Variants in ALDH1A2 observed in about 807,000 individuals in gnomAD.
The protein encoded by ALDH1A2 is retinal dehydrogenase 2.
Under a neutral mutation model 60.3 loss-of-function variants are expected in ALDH1A2, and 27 were observed. That is an observed-to-expected ratio of 0.45 (90% CI 0.33 to 0.62). The LOEUF (loss-of-function observed/expected upper bound fraction) is 0.62, where lower values mean the gene tolerates loss of function less well. ALDH1A2 is among the 20% of genes least tolerant of loss of function. The pLI, the probability that ALDH1A2 is intolerant of heterozygous loss-of-function variation, is 0.02. For missense variants in ALDH1A2, 581 were observed against 643.8 expected, an observed-to-expected ratio of 0.90 and a Z score of 1.06; for synonymous variants, 289 against 232.4, an observed-to-expected ratio of 1.24 and a Z score of -2.21.
chr15:57,995,216 G>GAAAAAAA lies in ALDH1A2; in HGVS notation c.494-78_494-77insTTTTTTT. The GAAAAAAA allele has an allele frequency of 4.2e-5, 12 of 283,632 alleles. No individual in the cohort carries two copies. In the South Asian group the frequency reaches 5.7e-4, roughly 13 times the overall value. The allele number at this position is 283,632 out of a possible 1,614,324, so 17.6% of individuals were successfully genotyped here. On this transcript the variant is annotated intron_variant, in intron 4 of 12. Transcript: ENST00000249750. ...ATGCAAAGGGAGAACTTTGGTGGCT[G>GAAAAAAA]CAAAAAAAAAAAAAAAAAAACAAAC...
intron 7 of ALDH1A2, among the ~76,000 whole-genome samples, chr15:57,969,578 C>G (rs2140459027): frequency 6.6e-6 from 1 of 152,230 alleles, no homozygotes; most frequent in East Asian, 1.9e-4. Context: ...ATAAAGGAGG[C>G]TGCAAGGGTG....
chr15:58,062,154 C>G (rs1897055169), intron 1 of ALDH1A2, among the ~76,000 whole-genome samples: 1 of 152,040 alleles, frequency 6.6e-6, no homozygotes, highest in African/African-American at 2.4e-5. Context: ...TTTAGCAGGT[C>G]ATTATGTTAT....
chr15:58,010,366 A>T (rs1362314648), intron 4 of ALDH1A2, among the ~76,000 whole-genome samples: 5 of 152,060 alleles, frequency 3.3e-5, no homozygotes, highest in African/African-American at 1.2e-4. Context: ...CCCAGCACCT[A>T]ATCTAGCACA....
chr15:58,000,825 A>C (rs114564799), intron 4 of ALDH1A2, among the ~76,000 whole-genome samples: 2,059 of 151,938 alleles, frequency 0.014, 54 homozygotes, highest in African/African-American at 0.046. Context: ...GCTGAGGCTC[A>C]TGCTTCTGAT....
chr15:57,992,843 C>T (rs746907523), intron 6 of ALDH1A2, 25 bp from the exon 7 acceptor site: 158 of 1,613,868 alleles, frequency 9.8e-5, no homozygotes, highest in Middle Eastern at 3.3e-4. Flanking sequence ...CAGGAGGAAA[C>T]GTGGCTGATG....
At chr15:57,999,176 C>T (rs769975148) in intron 4 of ALDH1A2, among the ~76,000 whole-genome samples, 14 of 151,980 alleles carry the variant, frequency 9.2e-5, no homozygotes, top group Non-Finnish European at 1.5e-4. Flanking sequence ...AAAGCAATCG[C>T]AACAAAAGCA....
chr15:58,062,177 C>T (rs1158643272), intron 1 of ALDH1A2, among the ~76,000 whole-genome samples: 6 of 152,110 alleles, frequency 3.9e-5, no homozygotes, highest in South Asian at 2.1e-4. Flanking sequence ...ATACCCTCTT[C>T]CTCCCTGTGT....
intron 1 of ALDH1A2, among the ~76,000 whole-genome samples, chr15:58,023,152 A>G (rs762762412): frequency 7.2e-5 from 11 of 152,222 alleles, no homozygotes; most frequent in Non-Finnish European, 1.5e-4. Flanking sequence ...TTTTTTTTAA[A>G]GAAACAAATA....
chr15:58,061,182 TA>T (rs1897023910), intron 1 of ALDH1A2, among the ~76,000 whole-genome samples: 1 of 152,140 alleles, frequency 6.6e-6, no homozygotes, highest in Non-Finnish European at 1.5e-5. Flanking sequence ...CCAGGAGAAT[TA>T]TCTAATTCAA....
At chr15:57,988,681 A>G (rs887881255) in intron 7 of ALDH1A2, among the ~76,000 whole-genome samples, 1 of 152,202 alleles carries the variant, frequency 6.6e-6, no homozygotes, top group Non-Finnish European at 1.5e-5. Context: ...TGGTACTTAA[A>G]TGGGTGCATT....
At chr15:57,976,949 G>A (rs569894026) in intron 7 of ALDH1A2, among the ~76,000 whole-genome samples, 10 of 152,082 alleles carry the variant, frequency 6.6e-5, no homozygotes, top group African/African-American at 2.2e-4. Flanking sequence ...TTTAATGATC[G>A]CCATTCTAAC....
chr15:58,004,471 C>T (rs1394830707), intron 4 of ALDH1A2, among the ~76,000 whole-genome samples: 3 of 151,578 alleles, frequency 2.0e-5, no homozygotes, highest in South Asian at 4.2e-4. Context: ...CCTCAGCCCC[C>T]TCTCACTCTC....
chr15:58,035,419 ATTG>A (rs1313429685), intron 1 of ALDH1A2, among the ~76,000 whole-genome samples: 1 of 150,656 alleles, frequency 6.6e-6, no homozygotes, highest in Non-Finnish European at 1.5e-5. Flanking sequence ...TATTGTCTTT[ATTG>A]TTTTCATTTT....
At position 57,963,998 on chromosome 15, in the gene ALDH1A2, G is replaced by A. The variant is rs963837318; in HGVS notation, c.973C>T (p.Arg325Cys). The change falls in exon 9 of 13, where the codon CGC (arginine) becomes TGC (cysteine). Residue 325 changes from arginine (R) to cysteine (C), a missense_variant. Physicochemically the swap from Arg to Cys is radical, Grantham distance 180 (BLOSUM62 -3). This residue lies in a region of ALDH1A2 where 375 missense variants were observed against 469.7 expected (regional missense o/e 0.80). Coordinates refer to ENST00000249750, the MANE Select transcript of ALDH1A2 (RefSeq NM_003888.4). ...TAGATGGACTCCTCCACGAAGATGC[G>A]AGAGCCTGCAGTGCAGCACTGACCT... is the stretch of plus-strand genomic sequence containing the variant. Reference protein sequence around the residue: ...NQGQCCTAGSRIFVEESIYEE... With the variant: ...NQGQCCTAGSCIFVEESIYEE... 2.5e-6 allele frequency: 4 copies of A among 1,614,158 alleles called. No homozygotes were observed. Among genetic ancestry groups the A allele is most frequent in the Non-Finnish European group, 2.5e-6 (3 of 1,180,026 alleles).
intron 1 of ALDH1A2, among the ~76,000 whole-genome samples, chr15:58,054,082 T>C (rs1203945215): frequency 6.6e-6 from 1 of 152,146 alleles, no homozygotes; most frequent in East Asian, 1.9e-4. Context: ...AAGGACCATT[T>C]AGGCCAACAG....
intron 4 of ALDH1A2, among the ~76,000 whole-genome samples, chr15:58,004,730 C>CATATAT (rs33963185): frequency 0.024 from 3,445 of 140,666 alleles, 65 homozygotes; most frequent in Non-Finnish European, 0.034. Context: ...TATATATATA[C>CATATAT]ATATATATAT....
chr15:57,977,362 T>G (rs1381973684), intron 7 of ALDH1A2, among the ~76,000 whole-genome samples: 4 of 152,232 alleles, frequency 2.6e-5, no homozygotes, highest in Admixed American at 2.0e-4. Context: ...TGTCTAGGAT[T>G]TTTATGGTTT....
At chr15:57,967,644 AG>A (rs1169023806) in intron 7 of ALDH1A2, among the ~76,000 whole-genome samples, 1 of 152,212 alleles carries the variant, frequency 6.6e-6, no homozygotes, top group Non-Finnish European at 1.5e-5. Context: ...AGCTAACCTT[AG>A]GGGGAAAAAG....
At chr15:58,037,542 C>T (rs867705881) in intron 1 of ALDH1A2, among the ~76,000 whole-genome samples, 1 of 151,428 alleles carries the variant, frequency 6.6e-6, no homozygotes, top group African/African-American at 2.4e-5. Flanking sequence ...TTAGAAAAAC[C>T]ATTAAAGCAA....
Sources: gnomAD v4.1 joint callset for allele counts (sites outside exome capture counted in the v4.1 genomes callset) on GRCh38, gnomAD v4.1.1 for gene constraint, gnomAD v4.1.1 regional missense constraint, MANE v1.5 for transcripts, NCBI Gene and HGNC (gene_info 2026-07-23, HGNC 2026-07-21) for gene names.